AGTRAP: variants seen among roughly 807,000 people sequenced by gnomAD.
AGTRAP encodes type-1 angiotensin II receptor-associated protein.
AGTRAP carries 7 observed loss-of-function variants against 15.2 expected under a neutral mutation model. The ratio of observed to expected loss-of-function variants is 0.46; its 90% CI spans 0.26 to 0.87. The LOEUF (loss-of-function observed/expected upper bound fraction) is 0.87. AGTRAP is among the 40% of genes least tolerant of loss of function. AGTRAP has a pLI of 0.15. For missense variants in AGTRAP, 187 were observed against 213.4 expected (o/e 0.88, Z 0.77); for synonymous variants, 74 against 89.6 (o/e 0.83, Z 0.98).
intron 1 of AGTRAP, among the ~76,000 whole-genome samples, chr1:11,739,174 A>G (rs1202551256): frequency 6.6e-6 from 1 of 152,094 alleles, no homozygotes; most frequent in African/African-American, 2.4e-5. Context: ...CTATTTCTTC[A>G]TTGTAAAAAG....
Position 11,745,849 on chromosome 1 carries a change from T to C in AGTRAP, c.62+12T>C. 1 of 1,613,698 alleles carries C rather than the reference T, an allele frequency of 6.2e-7. No homozygotes were observed. The highest frequency in any genetic ancestry group is 2.2e-5 in the East Asian group (1 of 44,848). On this transcript the variant is annotated intron_variant, in intron 2 of 4. Coordinates refer to ENST00000314340, the MANE Select transcript of AGTRAP (RefSeq NM_020350.5). The surrounding 1 kb of genome is among the most constrained non-coding windows in gnomAD (Gnocchi z 4.2). ...CTGCTGACAACCTGGTAAGTGACTCTGTGGGTATCTTGTGTGTCTCCTGCG... is the reference window on the plus strand; with the variant it reads ...CTGCTGACAACCTGGTAAGTGACTCCGTGGGTATCTTGTGTGTCTCCTGCG...
chr1:11,743,040 A>G (rs968835842), intron 1 of AGTRAP, among the ~76,000 whole-genome samples: 1 of 151,954 alleles, frequency 6.6e-6, no homozygotes, highest in Admixed American at 6.6e-5. Context: ...GAAGCTCCCA[A>G]TTTGGGGCTC....
chr1:11,742,845 C>T (rs1169304279), intron 1 of AGTRAP, among the ~76,000 whole-genome samples: 1 of 152,134 alleles, frequency 6.6e-6, no homozygotes, highest in Non-Finnish European at 1.5e-5. Context: ...TTCTTTTTTG[C>T]AGGTGGTGAG....
At chr1:11,746,208 G>A (rs369061140) in intron 2 of AGTRAP, 22 of 1,610,640 alleles carry the variant, frequency 1.4e-5, no homozygotes, top group African/African-American at 5.3e-5. Context: ...GAAGTGCAGC[G>A]CACAGGGCAA....
At position 11,747,448 on chromosome 1, in the gene AGTRAP, T is replaced by G. The variant is rs1008647746; in HGVS notation, c.71T>G (p.Ile24Ser). The G allele has an allele frequency of 1.2e-6, 2 of 1,614,062 alleles. No individual in the cohort carries two copies. Among genetic ancestry groups the G allele is most frequent in the Non-Finnish European group, 1.7e-6 (2 of 1,179,922 alleles). The part of the protein sequence containing the change: ...GHWLLTTWGC[I>S]VFSGSYAWAN... ...GCTACCTCTTCCTACAGGGGCTGCA[T>G]TGTATTCTCAGGCTCCTATGCCTGG... Residue 24 changes from isoleucine (I) to serine (S), a missense_variant, in exon 3 of 5, where the codon ATT (isoleucine) becomes AGT (serine). Ile to Ser is a moderately radical substitution (Grantham distance 142). Transcript: ENST00000314340.
chr1:11,746,384 A>G (rs1642164694), intron 2 of AGTRAP: 1 of 634,720 alleles, frequency 1.6e-6, no homozygotes, highest in Admixed American at 2.9e-5. Context: ...TGGTTTATTC[A>G]AAGACCTATT....
intron 2 of AGTRAP, among the ~76,000 whole-genome samples, chr1:11,747,121 A>C (rs1480572449): frequency 6.6e-6 from 1 of 152,208 alleles, no homozygotes; most frequent in Non-Finnish European, 1.5e-5. Flanking sequence ...AAACTGTTGG[A>C]GGATTTTTAG....
At position 11,748,439 on chromosome 1, in the gene AGTRAP, A is replaced by G. The variant is rs1400913270; in HGVS notation, c.193A>G (p.Ile65Val). ...SMFLGGLLATIFLDIVHISIF... is the reference protein window; with the variant it reads ...SMFLGGLLATVFLDIVHISIF... ...GTTTCTGGGTGGCTTGCTGGCCACC[A>G]TCTTCCTGGACATCGTGCACATCAG... The change falls in exon 4 of 5, where the codon ATC becomes GTC. Residue 65 changes from isoleucine to valine, a missense_variant. Physicochemically the swap from Ile to Val is conservative, Grantham distance 29. Transcript: ENST00000314340. 6 of 1,613,724 alleles carry G rather than the reference A, an allele frequency of 3.7e-6. No individual in the cohort carries two copies. The highest frequency in any genetic ancestry group is 4.2e-6 in the Non-Finnish European group (5 of 1,179,894).
intron 1 of AGTRAP, among the ~76,000 whole-genome samples, chr1:11,738,905 G>A (rs992749141): frequency 1.5e-4 from 23 of 152,192 alleles, no homozygotes; most frequent in African/African-American, 5.6e-4. Flanking sequence ...CCATTTCTGG[G>A]AAGTCCTACC....
At chr1:11,740,907 T>C (rs546472950) in intron 1 of AGTRAP, among the ~76,000 whole-genome samples, 1 of 152,240 alleles carries the variant, frequency 6.6e-6, no homozygotes, top group East Asian at 1.9e-4. Context: ...AAAAGCTGGA[T>C]GTTGGGACCA....
At chr1:11,736,813 C>T (rs1428578222) in intron 1 of AGTRAP, among the ~76,000 whole-genome samples, 4 of 152,250 alleles carry the variant, frequency 2.6e-5, no homozygotes, top group Non-Finnish European at 5.9e-5. Context: ...ACTTTGTGCA[C>T]TGGGGAAAAC....
At chr1:11,750,022 C>A in intron 4 of AGTRAP, 55 bp from the exon 5 acceptor site, 1 of 1,440,438 alleles carries the variant, frequency 6.9e-7, no homozygotes, top group Non-Finnish European at 9.7e-7. Context: ...CTCAGCTGAA[C>A]ATCCCGAGTT....
intron 1 of AGTRAP, among the ~76,000 whole-genome samples, chr1:11,736,521 C>G (rs944775663): frequency 6.6e-6 from 1 of 152,188 alleles, no homozygotes; most frequent in Non-Finnish European, 1.5e-5. Flanking sequence ...AGCGCCGGTC[C>G]CAGCATTGCT....
At chr1:11,749,415 T>G (rs1255006549) in intron 4 of AGTRAP, among the ~76,000 whole-genome samples, 1 of 152,046 alleles carries the variant, frequency 6.6e-6, no homozygotes, top group African/African-American at 2.4e-5. Context: ...CAGCACTGCC[T>G]GGGCCTGCCC....
Position 11,745,978 on chromosome 1 carries a change from T to C in AGTRAP, c.62+141T>C. The C allele has an allele frequency of 7.4e-7, 1 of 1,358,812 alleles. No individual in the cohort carries two copies. The highest frequency in any genetic ancestry group is 2.3e-5 in the East Asian group (1 of 43,512). The allele number at this position is 1,358,812 out of a possible 1,614,324, so 84.2% of individuals were successfully genotyped here. A position where few individuals can be genotyped will look rare whatever the true frequency, so the allele number is the denominator to read the frequency against. On this transcript the variant is annotated intron_variant, in intron 2 of 4. Coordinates refer to ENST00000314340, the MANE Select transcript of AGTRAP (RefSeq NM_020350.5). This position sits in a 1 kb window ranked among gnomAD's most constrained non-coding sequence, Gnocchi z 4.2. The stretch of plus-strand genomic sequence containing the variant: ...GCCTCTCCGGGTCTTGATTTCCGTC[T>C]GTACAATAGGCATAAGGATTGCACA...
At chr1:11,748,662 C>T in intron 4 of AGTRAP, 52 bp downstream of exon 4, 1 of 1,568,696 alleles carries the variant, frequency 6.4e-7, no homozygotes, top group African/African-American at 1.3e-5. Flanking sequence ...TCTCCCTTGC[C>T]TGGCCTCCAG....
At chr1:11,744,726 C>G (rs1001349203) in intron 1 of AGTRAP, among the ~76,000 whole-genome samples, 1 of 152,124 alleles carries the variant, frequency 6.6e-6, no homozygotes, top group African/African-American at 2.4e-5. Flanking sequence ...AGGAAGAATT[C>G]AGGGCGAGTC....
chr1:11,745,896 G>T lies in AGTRAP; in HGVS notation c.62+59G>T. 6.2e-7 allele frequency: 1 copy of T among 1,604,096 alleles called. No homozygotes were observed. The highest frequency in any genetic ancestry group is 8.5e-7 in the Non-Finnish European group (1 of 1,171,004). ...TGCGGTCTCAGGGTCTGTGTCAGCC[G>T]GGTCAGGTCCTGGTTCTGCCGTGTT... On this transcript the variant is annotated intron_variant, in intron 2 of 4. Transcript: ENST00000314340. The surrounding 1 kb of genome is among the most constrained non-coding windows in gnomAD (Gnocchi z 4.2).
At chr1:11,748,920 C>G (rs980503161) in intron 4 of AGTRAP, among the ~76,000 whole-genome samples, 3 of 152,184 alleles carry the variant, frequency 2.0e-5, no homozygotes, top group African/African-American at 7.2e-5. Flanking sequence ...AGGGGCAGCC[C>G]TGGGCTGTCT....
Sources: gnomAD v4.1 joint callset for allele counts (sites outside exome capture counted in the v4.1 genomes callset) on GRCh38, gnomAD v4.1.1 for gene constraint, Gnocchi (gnomAD v3.1) non-coding constraint, MANE v1.5 for transcripts, NCBI Gene and HGNC (gene_info 2026-07-23, HGNC 2026-07-21) for gene names.